The following XIRP2 variants were observed in gnomAD, a reference collection of about 807,000 sequenced individuals.
XIRP2 encodes xin actin-binding repeat-containing protein 2.
In XIRP2, 236 loss-of-function variants were observed where a neutral mutation model predicts 277.0. The ratio of observed to expected loss-of-function variants is 0.85; its 90% confidence interval spans 0.77 to 0.95. XIRP2 has a LOEUF of 0.95. XIRP2 is among the 40% of genes least tolerant of loss of function. The probability of loss-of-function intolerance (pLI) is 0.00; values close to 1 mark genes in which losing one functional copy is unlikely to be tolerated. For missense variants in XIRP2, 4,640 were observed against 4,157.5 expected, an observed-to-expected ratio of 1.12 and a Z score of -3.19; for synonymous variants, 1,490 against 1,416.5, an observed-to-expected ratio of 1.05 and a Z score of -1.17.
chr2:167,064,231 C>A (rs1689243944), intron 2 of XIRP2, among the ~76,000 whole-genome samples: 1 of 151,730 alleles, frequency 6.6e-6, no homozygotes. Context: ...TTTTAATGAT[C>A]CAATTTTAGT....
At chr2:167,253,975 T>A (rs1695587948) in intron 9 of XIRP2, 57 bp from the exon 10 acceptor site, 1 of 1,512,704 alleles carries the variant, frequency 6.6e-7, no homozygotes, top group South Asian at 1.3e-5. Context: ...TTTGTTATGT[T>A]TTTACAATAT....
chr2:166,893,077 A>G (rs1454882483), intron 1 of XIRP2, among the ~76,000 whole-genome samples: 1 of 151,724 alleles, frequency 6.6e-6, no homozygotes, highest in Non-Finnish European at 1.5e-5. Flanking sequence ...GCTGTAATTT[A>G]AAACAGAGAT....
intron 5 of XIRP2, among the ~76,000 whole-genome samples, chr2:167,225,604 A>G (rs1351424260): frequency 6.6e-6 from 1 of 152,138 alleles, no homozygotes; most frequent in Admixed American, 6.6e-5. Context: ...TTCTGCAGAT[A>G]GGCCAGCAAA....
chr2:166,971,385 G>A (rs1440843405), intron 2 of XIRP2, among the ~76,000 whole-genome samples: 1 of 151,950 alleles, frequency 6.6e-6, no homozygotes, highest in Non-Finnish European at 1.5e-5. Context: ...GGAAAAAAAA[G>A]TATGAAAATT....
intron 4 of XIRP2, among the ~76,000 whole-genome samples, chr2:167,214,118 GAAGGAAGGAAGGAAGGAAGC>G (rs1354256948): frequency 8.2e-6 from 1 of 122,024 alleles, no homozygotes; most frequent in African/African-American, 3.7e-5. Context: ...AGGAAGGAAG[GAAGGAAGGAAGGAAGGAAGC>G]AAAGAGAAAG....
chr2:166,959,312 A>G (rs1466841975), intron 2 of XIRP2, among the ~76,000 whole-genome samples: 1 of 151,902 alleles, frequency 6.6e-6, no homozygotes, highest in Non-Finnish European at 1.5e-5. Flanking sequence ...AGGGCTACAG[A>G]GACCTTCCAT....
At position 167,010,628 on chromosome 2, in the gene XIRP2, T is replaced by G. The variant is rs557338349; in HGVS notation, c.408+106738T>G. 9.9e-3 allele frequency among the ~76,000 whole-genome samples: 1,506 copies of G among 151,996 alleles called. 9 individuals are homozygous for G. Among genetic ancestry groups the G allele is most frequent in the African/African-American group, 0.013 (525 of 41,482 alleles). ...GAAGAAAGTCATTGGTAGCTTGATGTGGATGGCATTGAATCTATAAATTAC... is the reference window on the plus strand; with the variant it reads ...GAAGAAAGTCATTGGTAGCTTGATGGGGATGGCATTGAATCTATAAATTAC... On this transcript the variant is annotated intron_variant, in intron 2 of 10. Coordinates refer to ENST00000409195, the MANE Select transcript of XIRP2 (RefSeq NM_152381.6).
intron 3 of XIRP2, among the ~76,000 whole-genome samples, chr2:167,205,844 A>G (rs1425799700): frequency 6.6e-6 from 1 of 151,810 alleles, no homozygotes; most frequent in Non-Finnish European, 1.5e-5. Context: ...ATAAATAAAT[A>G]CAACCATTTT....
At position 167,249,110 on chromosome 2, in the gene XIRP2, C is replaced by T; in HGVS notation, c.7718C>T (p.Thr2573Ile). 6.2e-7 allele frequency: 1 copy of T among 1,613,616 alleles called. No homozygotes were observed. Among genetic ancestry groups the T allele is most frequent in the African/African-American group, 1.3e-5 (1 of 74,938 alleles). The change falls in exon 9 of 11, where the codon ACT becomes ATT. Residue 2573 changes from threonine to isoleucine, a missense_variant. By Grantham distance (89) the Thr-to-Ile change is moderately conservative. Coordinates refer to ENST00000409195, the MANE Select transcript of XIRP2 (RefSeq NM_152381.6). ...QESSYYNIVK[T>I]QSQNQHITEV... ...AGTTCTTACTACAACATTGTTAAAA[C>T]TCAAAGCCAAAATCAACACATAACA...
intron 2 of XIRP2, among the ~76,000 whole-genome samples, chr2:166,969,552 A>T (rs921603695): frequency 4.6e-5 from 7 of 151,934 alleles, no homozygotes; most frequent in African/African-American, 1.7e-4. Context: ...AATAAAAAAA[A>T]AACTCCCTTT....
At chr2:167,061,006 C>A (rs979653831) in intron 2 of XIRP2, among the ~76,000 whole-genome samples, 1 of 151,968 alleles carries the variant, frequency 6.6e-6, no homozygotes, top group Non-Finnish European at 1.5e-5. Flanking sequence ...GCTTATATAT[C>A]TCTCTCCATT....
intron 1 of XIRP2, among the ~76,000 whole-genome samples, chr2:166,893,568 C>G (rs1161015113): frequency 6.6e-6 from 1 of 152,150 alleles, no homozygotes; most frequent in Admixed American, 6.6e-5. Flanking sequence ...AAACATCCCC[C>G]TCACTTTGAA....
intron 2 of XIRP2, among the ~76,000 whole-genome samples, chr2:166,911,446 G>A (rs1390655036): frequency 6.6e-6 from 1 of 151,782 alleles, no homozygotes; most frequent in Non-Finnish European, 1.5e-5. Context: ...GCCTTTTTTT[G>A]TTTTCCATTT....
intron 1 of XIRP2, among the ~76,000 whole-genome samples, chr2:166,894,685 A>T (rs960107309): frequency 6.6e-6 from 1 of 152,156 alleles, no homozygotes; most frequent in African/African-American, 2.4e-5. Context: ...TAATAATGTT[A>T]ATTGAGCCCC....
intron 2 of XIRP2, among the ~76,000 whole-genome samples, chr2:166,986,499 G>A (rs541543489): frequency 6.6e-6 from 1 of 152,282 alleles, no homozygotes; most frequent in East Asian, 1.9e-4. Context: ...ATGATAGTTA[G>A]GTATATGTCA....
At chr2:167,018,946 A>AT (rs923831982) in intron 2 of XIRP2, among the ~76,000 whole-genome samples, 73 of 151,328 alleles carry the variant, frequency 4.8e-4, no homozygotes, top group African/African-American at 1.1e-3. Flanking sequence ...GAAGGCAGGG[A>AT]TTTTTTTTTC....
At chr2:167,221,913 GC>G (rs1396213920) in intron 5 of XIRP2, among the ~76,000 whole-genome samples, 1 of 152,148 alleles carries the variant, frequency 6.6e-6, no homozygotes, top group Non-Finnish European at 1.5e-5. Context: ...AATATTTAAT[GC>G]CACAATTAGT....
chr2:166,906,387 T>G (rs1009017635), intron 2 of XIRP2, among the ~76,000 whole-genome samples: 7 of 151,550 alleles, frequency 4.6e-5, no homozygotes, highest in Admixed American at 2.0e-4. Context: ...CATATACACA[T>G]ACATTATGTA....
intron 2 of XIRP2, among the ~76,000 whole-genome samples, chr2:167,022,044 A>C (rs1687997749): frequency 6.6e-6 from 1 of 152,146 alleles, no homozygotes; most frequent in South Asian, 2.1e-4. Context: ...ATTTCATGTA[A>C]TATATTAATG....
Sources: gnomAD v4.1 joint callset for allele counts (sites outside exome capture counted in the v4.1 genomes callset) on GRCh38, gnomAD v4.1.1 for gene constraint, MANE v1.5 for transcripts, NCBI Gene and HGNC (gene_info 2026-07-23, HGNC 2026-07-21) for gene names.